The following ZBTB20 variants were observed in gnomAD, a reference collection of about 807,000 sequenced individuals.
ZBTB20 encodes the protein zinc finger and BTB domain-containing protein 20.
In ZBTB20, 9 loss-of-function variants were observed where a neutral mutation model predicts 56.9. The ratio of observed to expected loss-of-function variants is 0.16; its 90% confidence interval spans 0.10 to 0.28. ZBTB20 has a LOEUF of 0.28. Among genes scored for constraint, ZBTB20 ranks in the 10% least tolerant of loss-of-function variants. The pLI is 1.00. For synonymous variants in ZBTB20, 417 were observed against 420.7 expected, an observed-to-expected ratio of 0.99 and a Z score of 0.11; for missense variants, 655 against 1,003.0, an observed-to-expected ratio of 0.65 and a Z score of 4.69.
In ZBTB20 at chr3:114,322,895, A is replaced by G. The variant is rs1560057516; in HGVS notation, c.*16110T>C. 1.3e-5 allele frequency: 2 copies of G among 152,212 alleles called. No homozygotes were observed. The highest frequency in any genetic ancestry group is 2.4e-5 in the African/African-American group (1 of 41,468). 9.4% of individuals were successfully genotyped at this position (152,212 alleles called of 1,614,324 possible). The stretch of plus-strand genomic sequence containing the variant: ...GGTTATCAATGTTGTAATCTTAGGG[A>G]AGGGGCCTCAATTGAGAATTTTCCA... On this transcript the variant is annotated 3_prime_UTR_variant, in exon 12 of 12. Transcript: ENST00000675478.
chr3:115,126,428 A>G (rs200169422), intron 1 of ZBTB20, among the ~76,000 whole-genome samples: 1 of 152,196 alleles, frequency 6.6e-6, no homozygotes, highest in East Asian at 1.9e-4. Context: ...AGCACCATTC[A>G]CAGCCACAAT....
intron 6 of ZBTB20, among the ~76,000 whole-genome samples, chr3:114,542,050 A>G (rs904061473): frequency 6.6e-6 from 1 of 152,192 alleles, no homozygotes. Flanking sequence ...AAACAATGAT[A>G]ATTTAAAATT....
At chr3:114,627,953 T>C (rs2107809064) in intron 6 of ZBTB20, among the ~76,000 whole-genome samples, 1 of 152,260 alleles carries the variant, frequency 6.6e-6, no homozygotes, top group Non-Finnish European at 1.5e-5. Flanking sequence ...AGTTGGGAAA[T>C]GTTTTTGGCC....
At chr3:114,592,701 T>G (rs2055897878) in intron 6 of ZBTB20, among the ~76,000 whole-genome samples, 1 of 152,236 alleles carries the variant, frequency 6.6e-6, no homozygotes, top group East Asian at 1.9e-4. Context: ...TTTTAATAAG[T>G]GGCTTATCTA....
chr3:115,029,686 T>G (rs2080583887), intron 2 of ZBTB20, among the ~76,000 whole-genome samples: 1 of 150,898 alleles, frequency 6.6e-6, no homozygotes, highest in Admixed American at 6.6e-5. Flanking sequence ...ACTGGTTAAA[T>G]ATTTAGAACA....
At chr3:114,830,663 G>A (rs1029206991) in intron 4 of ZBTB20, among the ~76,000 whole-genome samples, 2 of 151,962 alleles carry the variant, frequency 1.3e-5, no homozygotes, top group African/African-American at 2.4e-5. Flanking sequence ...AGGAAACTGG[G>A]ACTCAGAGAA....
chr3:115,118,798 G>C (rs1369160281), intron 1 of ZBTB20, among the ~76,000 whole-genome samples: 1 of 135,116 alleles, frequency 7.4e-6, no homozygotes, highest in African/African-American at 2.8e-5. Context: ...TCCACTCACT[G>C]CAAGCTCCGC....
intron 7 of ZBTB20, among the ~76,000 whole-genome samples, chr3:114,420,484 C>T (rs2089045962): frequency 6.6e-6 from 1 of 152,086 alleles, no homozygotes; most frequent in African/African-American, 2.4e-5. Context: ...AGGTGTCTTG[C>T]CCGCCTGTGC....
intron 4 of ZBTB20, among the ~76,000 whole-genome samples, chr3:114,869,709 T>C (rs2075908683): frequency 6.6e-6 from 1 of 152,220 alleles, no homozygotes; most frequent in Non-Finnish European, 1.5e-5. Flanking sequence ...ATAAACTATA[T>C]GTGTGAAATC....
chr3:115,102,354 T>C (rs1417577266), intron 1 of ZBTB20, among the ~76,000 whole-genome samples: 1 of 152,172 alleles, frequency 6.6e-6, no homozygotes, highest in Non-Finnish European at 1.5e-5. Context: ...TCCTCACTAT[T>C]TGGCCTGGCA....
intron 3 of ZBTB20, among the ~76,000 whole-genome samples, chr3:114,924,443 A>G (rs1170724919): frequency 3.9e-5 from 6 of 152,238 alleles, no homozygotes; most frequent in Non-Finnish European, 4.4e-5. Flanking sequence ...CATTATACTA[A>G]GTAAAATAAG....
chr3:115,047,947 G>C (rs554205384), intron 2 of ZBTB20, among the ~76,000 whole-genome samples: 2 of 152,214 alleles, frequency 1.3e-5, no homozygotes, highest in Admixed American at 6.5e-5. Flanking sequence ...CTGGCCGGGC[G>C]CGGTGGCTCA....
At chr3:114,405,769 C>T (rs2087258220) in intron 7 of ZBTB20, among the ~76,000 whole-genome samples, 1 of 152,020 alleles carries the variant, frequency 6.6e-6, no homozygotes, top group African/African-American at 2.4e-5. Context: ...TAGTTTGATA[C>T]ATGGCTAACT....
rs143830897 is a variant in ZBTB20, at chr3:114,554,871, C to G, written c.-294-54480G>C. 1.6e-3 allele frequency among the ~76,000 whole-genome samples: 240 copies of G among 152,270 alleles called. 1 individual carries two copies. The highest frequency in any genetic ancestry group is 3.5e-3 in the Admixed American group (54 of 15,292). On this transcript the variant is annotated intron_variant, in intron 6 of 11. Coordinates refer to ENST00000675478, the MANE Select transcript of ZBTB20 (RefSeq NM_001348800.3). ...CACACTTGCCAAAGAAATCACTGCA[C>G]GTGTAAATTAGAAACTAATCATCAC... is the stretch of plus-strand genomic sequence containing the variant.
At chr3:114,458,230 T>C (rs775826248) in intron 7 of ZBTB20, among the ~76,000 whole-genome samples, 19 of 152,308 alleles carry the variant, frequency 1.2e-4, no homozygotes, top group Non-Finnish European at 2.5e-4. Context: ...TTACATCGTG[T>C]CTCTTTAATT....
intron 10 of ZBTB20, among the ~76,000 whole-genome samples, chr3:114,356,996 A>G (rs2081323510): frequency 6.6e-6 from 1 of 152,120 alleles, no homozygotes; most frequent in African/African-American, 2.4e-5. Context: ...TCTTTCTCCT[A>G]TCTTGGCTCT....
At chr3:114,658,228 C>A (rs1272812448) in intron 6 of ZBTB20, 1 of 152,084 alleles carries the variant, frequency 6.6e-6, no homozygotes. Flanking sequence ...CTTGGGAGAT[C>A]AGTGGTATGT....
chr3:114,608,544 C>A (rs2057332791), intron 6 of ZBTB20, among the ~76,000 whole-genome samples: 1 of 152,162 alleles, frequency 6.6e-6, no homozygotes, highest in African/African-American at 2.4e-5. Context: ...TGAATCATCC[C>A]ATTTTAATGT....
intron 6 of ZBTB20, among the ~76,000 whole-genome samples, chr3:114,683,612 A>T (rs2062125143): frequency 6.6e-6 from 1 of 152,182 alleles, no homozygotes; most frequent in Non-Finnish European, 1.5e-5. Flanking sequence ...GGTAGACATT[A>T]TAAAGAAATA....
Sources: gnomAD v4.1 joint callset for allele counts (sites outside exome capture counted in the v4.1 genomes callset) on GRCh38, gnomAD v4.1.1 for gene constraint, MANE v1.5 for transcripts, NCBI Gene and HGNC (gene_info 2026-07-23, HGNC 2026-07-21) for gene names.